The following ZNF804B variants were observed in gnomAD, a reference collection of about 807,000 sequenced individuals.
ZNF804B encodes zinc finger 804B.
In ZNF804B, 80 loss-of-function variants were observed where a neutral mutation model predicts 101.4. That is an observed-to-expected ratio of 0.79 (90% CI 0.66 to 0.95). The LOEUF is 0.95. Among genes scored for constraint, ZNF804B ranks in the 40% least tolerant of loss-of-function variants. The probability of loss-of-function intolerance (pLI) is 0.00; values close to 1 mark genes in which losing one functional copy is unlikely to be tolerated. For missense variants in ZNF804B, 1,673 were observed against 1,561.9 expected (o/e 1.07, Z -1.20); for synonymous variants, 622 against 558.8 (o/e 1.11, Z -1.59).
At chr7:88,913,687 C>A (rs1036112548) in intron 1 of ZNF804B, among the ~76,000 whole-genome samples, 39 of 152,294 alleles carry the variant, frequency 2.6e-4, no homozygotes, top group African/African-American at 9.4e-4. Context: ...TGAGCCACCA[C>A]GACTGGCCAG....
At chr7:89,060,228 A>G (rs1789358926) in intron 1 of ZNF804B, among the ~76,000 whole-genome samples, 1 of 152,118 alleles carries the variant, frequency 6.6e-6, no homozygotes, top group African/African-American at 2.4e-5. Context: ...ATATCTATAT[A>G]CATGTCATAT....
intron 1 of ZNF804B, among the ~76,000 whole-genome samples, chr7:89,072,398 T>C (rs1007974193): frequency 1.3e-5 from 2 of 152,170 alleles, no homozygotes; most frequent in Non-Finnish European, 1.5e-5. Context: ...GCATAACTAC[T>C]CAACAACTGC....
intron 1 of ZNF804B, among the ~76,000 whole-genome samples, chr7:88,828,951 C>CA (rs1791090036): frequency 2.0e-5 from 3 of 151,540 alleles, no homozygotes; most frequent in African/African-American, 7.3e-5. Context: ...TCTTAATGCA[C>CA]AAAAAAAGGT....
At position 89,183,100 on chromosome 7, in the gene ZNF804B, G is replaced by C. The variant is rs191151943; in HGVS notation, c.109-35055G>C. Among the ~76,000 whole-genome samples the C allele has an allele frequency of 3.4e-4, 52 of 152,244 alleles. 1 individual carries two copies. The highest frequency in any genetic ancestry group is 1.1e-3 in the African/African-American group (44 of 41,560). ...TGACCGGAGAAGGCTAATAAGTTGAGCCTTTCATGTTGGCTAAAATATAAA... is the reference window on the plus strand; with the variant it reads ...TGACCGGAGAAGGCTAATAAGTTGACCCTTTCATGTTGGCTAAAATATAAA... On this transcript the variant is annotated intron_variant, in intron 1 of 3. Coordinates refer to ENST00000333190, the MANE Select transcript of ZNF804B (RefSeq NM_181646.5).
At chr7:88,975,123 G>C (rs1442867968) in intron 1 of ZNF804B, among the ~76,000 whole-genome samples, 2 of 151,260 alleles carry the variant, frequency 1.3e-5, no homozygotes, top group African/African-American at 2.4e-5. Flanking sequence ...TTTTTTTATA[G>C]CTGAATAGTA....
intron 1 of ZNF804B, among the ~76,000 whole-genome samples, chr7:89,106,155 T>C (rs538463067): frequency 6.6e-6 from 1 of 152,304 alleles, no homozygotes; most frequent in Admixed American, 6.5e-5. Flanking sequence ...ACACCTAGTG[T>C]GTGGCATGGA....
At chr7:88,990,788 C>T (rs902249900) in intron 1 of ZNF804B, among the ~76,000 whole-genome samples, 2 of 152,142 alleles carry the variant, frequency 1.3e-5, no homozygotes, top group African/African-American at 2.4e-5. Context: ...TGTTTCTACT[C>T]ATCTTGATAT....
intron 1 of ZNF804B, among the ~76,000 whole-genome samples, chr7:88,886,072 C>G (rs1038989975): frequency 1.3e-4 from 19 of 151,948 alleles, no homozygotes; most frequent in African/African-American, 4.4e-4. Context: ...TACATTTCAC[C>G]ATAAGATATG....
intron 2 of ZNF804B, among the ~76,000 whole-genome samples, chr7:89,298,248 A>ATATATATC (rs1790419871): frequency 8.4e-6 from 1 of 119,668 alleles, no homozygotes; most frequent in African/African-American, 3.2e-5. Flanking sequence ...ATATATATAT[A>ATATATATC]TATATATATA....
At chr7:89,300,466 A>G (rs1790455145) in intron 2 of ZNF804B, among the ~76,000 whole-genome samples, 1 of 151,734 alleles carries the variant, frequency 6.6e-6, no homozygotes, top group South Asian at 2.1e-4. Flanking sequence ...AGTTAGAGCT[A>G]TTTTTAATTA....
At chr7:88,763,673 C>A (rs1417780508) in intron 1 of ZNF804B, among the ~76,000 whole-genome samples, 1 of 152,024 alleles carries the variant, frequency 6.6e-6, no homozygotes, top group African/African-American at 2.4e-5. Flanking sequence ...CTATCCCCGA[C>A]TCTATCTAAA....
rs114542942 is a variant in ZNF804B, at chr7:88,950,972, C to T, written c.108+190888C>T. 4.0e-3 allele frequency among the ~76,000 whole-genome samples: 609 copies of T among 151,696 alleles called. 2 individuals are homozygous for T. The highest frequency in any genetic ancestry group is 0.012 in the African/African-American group (477 of 41,422). The stretch of plus-strand genomic sequence containing the variant: ...TTTTACTCTAGTTACTGGTACATAA[C>T]GTACCTCTGAAAATATTACTAAGCA... On this transcript the variant is annotated intron_variant, in intron 1 of 3. Coordinates refer to ENST00000333190, the MANE Select transcript of ZNF804B (RefSeq NM_181646.5).
At chr7:89,033,198 T>C (rs571505450) in intron 1 of ZNF804B, among the ~76,000 whole-genome samples, 23 of 152,136 alleles carry the variant, frequency 1.5e-4, no homozygotes, top group Admixed American at 2.6e-4. Context: ...TTAGAATCCA[T>C]GTGTAAATGA....
intron 1 of ZNF804B, among the ~76,000 whole-genome samples, chr7:89,098,026 C>G (rs1029438): frequency 0.5 from 76,208 of 151,872 alleles, 19,612 homozygotes; most frequent in Non-Finnish European, 0.53. Flanking sequence ...ACATTCTTAT[C>G]GTGCACTAGC....
chr7:89,290,869 T>C (rs891976110), intron 2 of ZNF804B, among the ~76,000 whole-genome samples: 4 of 152,254 alleles, frequency 2.6e-5, no homozygotes, highest in Admixed American at 6.5e-5. Context: ...AAGTAAGACC[T>C]AGTAGAGTCC....
intron 1 of ZNF804B, among the ~76,000 whole-genome samples, chr7:89,139,330 G>A (rs1335116292): frequency 6.6e-6 from 1 of 152,052 alleles, no homozygotes; most frequent in Non-Finnish European, 1.5e-5. Context: ...CATTCATCAG[G>A]GTGGTGGGTG....
rs192596732 is a variant in ZNF804B at position 88,890,721 on chromosome 7, C to T, written c.108+130637C>T. On this transcript the variant is annotated intron_variant, in intron 1 of 3. Coordinates refer to ENST00000333190, the MANE Select transcript of ZNF804B (RefSeq NM_181646.5). ...TGTTTTGCTGAGTTATTGGTGGATACATATAACTGCATGTTCTTAATTTTC... is the reference window on the plus strand; with the variant it reads ...TGTTTTGCTGAGTTATTGGTGGATATATATAACTGCATGTTCTTAATTTTC... 2.8e-4 allele frequency among the ~76,000 whole-genome samples: 43 copies of T among 152,206 alleles called. 1 individual carries two copies. In the East Asian group the frequency reaches 7.5e-3, roughly 27 times the overall value.
intron 1 of ZNF804B, among the ~76,000 whole-genome samples, chr7:89,194,645 G>A (rs890952980): frequency 1.2e-4 from 18 of 150,508 alleles, no homozygotes; most frequent in African/African-American, 4.4e-4. Flanking sequence ...TTATTTCTGA[G>A]GGCTCTGTCC....
chr7:89,264,960 T>C (rs117732331), intron 2 of ZNF804B, among the ~76,000 whole-genome samples: 370 of 152,330 alleles, frequency 2.4e-3, no homozygotes, highest in South Asian at 3.7e-3. Flanking sequence ...TATCTAGAAG[T>C]CCTTTTTGTG....
Sources: gnomAD v4.1 joint callset for allele counts (sites outside exome capture counted in the v4.1 genomes callset) on GRCh38, gnomAD v4.1.1 for gene constraint, MANE v1.5 for transcripts, NCBI Gene and HGNC (gene_info 2026-07-23, HGNC 2026-07-21) for gene names.